AS3MT: variants seen among roughly 807,000 people sequenced by gnomAD.
AS3MT encodes the protein arsenite methyltransferase.
Under a neutral mutation model 45.3 loss-of-function variants are expected in AS3MT, and 47 were observed. That is an observed-to-expected ratio of 1.04 (90% CI 0.82 to 1.32). AS3MT has a LOEUF of 1.32. Among genes scored for constraint, AS3MT ranks in the 40% most tolerant of loss-of-function variants. The pLI, the probability that AS3MT is intolerant of heterozygous loss-of-function variation, is 0.00. For synonymous variants in AS3MT, 141 were observed against 152.8 expected (o/e 0.92, Z 0.57); for missense variants, 396 against 451.1 (o/e 0.88, Z 1.11).
chr10:102,890,500 C>T, intron 9 of AS3MT, 44 bp from the exon 10 acceptor site: 1 of 1,516,046 alleles, frequency 6.6e-7, no homozygotes, highest in Non-Finnish European at 8.9e-7. Flanking sequence ...TCTATTGAGA[C>T]TAAAGTTGCA....
chr10:102,871,484 T>A (rs956761685), intron 3 of AS3MT, among the ~76,000 whole-genome samples: 1 of 138,136 alleles, frequency 7.2e-6, no homozygotes, highest in Non-Finnish European at 1.5e-5. Context: ...GAGGCGGAGC[T>A]TGCAGTGAGC....
At chr10:102,875,630 T>G (rs566669526) in intron 6 of AS3MT, among the ~76,000 whole-genome samples, 101 of 145,292 alleles carry the variant, frequency 7.0e-4, no homozygotes, top group African/African-American at 2.1e-3. Flanking sequence ...TAAAAAAATG[T>G]TTTTTTTTTT....
intron 9 of AS3MT, among the ~76,000 whole-genome samples, chr10:102,887,434 T>A (rs2134123916): frequency 6.6e-6 from 1 of 152,324 alleles, no homozygotes; most frequent in Non-Finnish European, 1.5e-5. Flanking sequence ...AGTCCCCTAC[T>A]ACTATTGCAT....
chr10:102,882,916 C>A (rs1158645767), intron 9 of AS3MT, among the ~76,000 whole-genome samples: 1 of 151,902 alleles, frequency 6.6e-6, no homozygotes, highest in African/African-American at 2.4e-5. Flanking sequence ...TTAAATACTC[C>A]TTGGTATAGT....
chr10:102,874,173 A>G (rs1844742297), intron 5 of AS3MT, among the ~76,000 whole-genome samples: 1 of 152,104 alleles, frequency 6.6e-6, no homozygotes, highest in Non-Finnish European at 1.5e-5. Context: ...GAATCACTTG[A>G]ACCCGGGAGG....
Position 102,881,396 on chromosome 10 carries a change from A to C in AS3MT, c.885+2405A>C, listed in dbSNP as rs1486804701. Among the ~76,000 whole-genome samples the C allele has an allele frequency of 6.6e-6, 1 of 152,238 alleles. No individual in the cohort carries two copies. Among genetic ancestry groups the C allele is most frequent in the Admixed American group, 6.5e-5 (1 of 15,276 alleles). ...CTAAATCTCTCTGGTAATTAACTAA[A>C]TAAAAATCATTTTATACTATTATTT... On this transcript the variant is annotated intron_variant, in intron 9 of 10. Transcript: ENST00000369880. The surrounding 1 kb of genome is among the most constrained non-coding windows in gnomAD (Gnocchi z 4.2).
At chr10:102,871,932 G>T (rs1215729110) in intron 3 of AS3MT, among the ~76,000 whole-genome samples, 1 of 151,414 alleles carries the variant, frequency 6.6e-6, no homozygotes, top group Middle Eastern at 3.2e-3. Context: ...CCTTAGGCTG[G>T]AGTGCAGTGG....
chr10:102,897,352 C>G (rs1304390236), intron 10 of AS3MT, among the ~76,000 whole-genome samples: 1 of 150,184 alleles, frequency 6.7e-6, no homozygotes, highest in Non-Finnish European at 1.5e-5. Flanking sequence ...CCACTGCACT[C>G]CAGCCTGGGC....
At chr10:102,889,651 C>CCTTT (rs1845031069) in intron 9 of AS3MT, among the ~76,000 whole-genome samples, 2 of 120,270 alleles carry the variant, frequency 1.7e-5, no homozygotes, top group Admixed American at 8.7e-5. Flanking sequence ...TTCCTTTCTT[C>CCTTT]CTTCCTTCCT....
chr10:102,884,221 C>A (rs987300017), intron 9 of AS3MT, among the ~76,000 whole-genome samples: 3 of 152,012 alleles, frequency 2.0e-5, no homozygotes, highest in African/African-American at 7.2e-5. Context: ...CTCAGGTGAT[C>A]CCCCTGCTTC....
At chr10:102,883,988 T>C (rs1057000889) in intron 9 of AS3MT, among the ~76,000 whole-genome samples, 1 of 149,384 alleles carries the variant, frequency 6.7e-6, no homozygotes, top group African/African-American at 2.4e-5. Flanking sequence ...TTCTTTTTTT[T>C]TTTTTTTTGA....
At chr10:102,874,923 T>C (rs141610715) in intron 6 of AS3MT, among the ~76,000 whole-genome samples, 1 of 152,302 alleles carries the variant, frequency 6.6e-6, no homozygotes, top group East Asian at 1.9e-4. Context: ...TCTCTCCTAT[T>C]TGCTGCTGTA....
At chr10:102,874,940 C>A (rs1844758279) in intron 6 of AS3MT, among the ~76,000 whole-genome samples, 1 of 152,128 alleles carries the variant, frequency 6.6e-6, no homozygotes, top group Admixed American at 6.5e-5. Context: ...TGTACATGAT[C>A]CTAGAAGAGC....
intron 9 of AS3MT, among the ~76,000 whole-genome samples, chr10:102,888,864 TATA>T (rs1845004223): frequency 1.2e-5 from 1 of 83,330 alleles, no homozygotes; most frequent in African/African-American, 5.2e-5. Context: ...TATATATATA[TATA>T]TATATATATA....
intron 3 of AS3MT, among the ~76,000 whole-genome samples, chr10:102,870,503 G>A (rs1479945865): frequency 6.6e-6 from 1 of 152,110 alleles, no homozygotes; most frequent in Non-Finnish European, 1.5e-5. Flanking sequence ...AATAGCCACT[G>A]CACTCCAGCT....
intron 1 of AS3MT, 99 bp from the exon 2 acceptor site, chr10:102,869,706 C>T (rs1844643431): frequency 6.2e-7 from 1 of 1,610,082 alleles, no homozygotes; most frequent in Non-Finnish European, 8.5e-7. Flanking sequence ...TTTGTCCTCC[C>T]CTCACCCCTC....
chr10:102,874,751 A>C, intron 6 of AS3MT, 90 bp downstream of exon 6: 21 of 957,094 alleles, frequency 2.2e-5, no homozygotes, highest in Non-Finnish European at 3.4e-5. Context: ...CTAAGAGCTC[A>C]AACTCTCTTA....
intron 10 of AS3MT, among the ~76,000 whole-genome samples, chr10:102,893,348 T>G (rs1365284976): frequency 1.3e-5 from 2 of 152,116 alleles, no homozygotes; most frequent in Non-Finnish European, 2.9e-5. Flanking sequence ...GGACGGAGTC[T>G]TCCTCTGTCA....
At position 102,900,590 on chromosome 10, in the gene AS3MT, C is replaced by G. The variant is rs376658646; in HGVS notation, c.1021-3C>G. On this transcript the variant is annotated splice_polypyrimidine_tract_variant and splice_region_variant and intron_variant, in intron 10 of 10. Coordinates refer to ENST00000369880, the MANE Select transcript of AS3MT (RefSeq NM_020682.4). ...CCTTTCATTTTGGTTTGCCTTTTGA[C>G]AGGATATAATCACAGATCCATTTAA... is the stretch of plus-strand genomic sequence containing the variant. The G allele has an allele frequency of 1.9e-5, 31 of 1,609,464 alleles. No individual in the cohort carries two copies. The African/African-American group carries it at 3.6e-4, about 19-fold the overall frequency.
Sources: allele counts gnomAD v4.1 joint callset (sites outside exome capture counted in the v4.1 genomes callset), GRCh38; gene constraint gnomAD v4.1.1; non-coding constraint Gnocchi (gnomAD v3.1); transcripts MANE v1.5; gene names NCBI Gene and HGNC (gene_info 2026-07-23, HGNC 2026-07-21).